PCDHA2: variants seen among roughly 807,000 people sequenced by gnomAD.
PCDHA2 encodes the protein protocadherin alpha 2, also known as protocadherin alpha-2.
Under a neutral mutation model 66.0 loss-of-function variants are expected in PCDHA2, and 58 were observed. That is an observed-to-expected ratio of 0.88 (90% CI 0.71 to 1.09). The LOEUF is 1.09. Ranked by LOEUF, PCDHA2 falls within the 50% of genes least tolerant of loss-of-function variation. PCDHA2 has a pLI of 0.00. For synonymous variants in PCDHA2, 634 were observed against 554.0 expected, an observed-to-expected ratio of 1.14 and a Z score of -2.03; for missense variants, 1,267 against 1,242.3, an observed-to-expected ratio of 1.02 and a Z score of -0.30.
intron 1 of PCDHA2, chr5:140,967,982 G>T (rs1563372383): frequency 1.9e-6 from 3 of 1,614,224 alleles, no homozygotes; most frequent in Non-Finnish European, 2.5e-6. Context: ...GGGTCTGGAG[G>T]CCACACTGCC....
intron 1 of PCDHA2, chr5:140,807,153 G>T: frequency 1.3e-6 from 2 of 1,581,412 alleles, no homozygotes; most frequent in Non-Finnish European, 1.7e-6. Flanking sequence ...TTTGAGAAAC[G>T]ATATTTAATC....
chr5:140,850,168 A>C, intron 1 of PCDHA2: 1 of 1,594,824 alleles, frequency 6.3e-7, no homozygotes, highest in Non-Finnish European at 8.6e-7. Flanking sequence ...GTGCTGGACG[A>C]GAACGACAAT....
At chr5:140,871,310 C>A (rs2052956862) in intron 1 of PCDHA2, 1 of 1,613,930 alleles carries the variant, frequency 6.2e-7, no homozygotes, top group South Asian at 1.1e-5. Flanking sequence ...CCGGGGAAGC[C>A]CACGCTGGTG....
chr5:140,871,413 C>A (rs2053063966), intron 1 of PCDHA2: 1 of 1,614,002 alleles, frequency 6.2e-7, no homozygotes, highest in East Asian at 2.2e-5. Flanking sequence ...ACCTCATGGC[C>A]TTCAGCCCCA....
intron 1 of PCDHA2, among the ~76,000 whole-genome samples, chr5:140,818,943 AT>A (rs1554127580): frequency 6.6e-6 from 1 of 152,228 alleles, no homozygotes; most frequent in East Asian, 1.9e-4. Context: ...TGACATGAAC[AT>A]TGATATTCAC....
chr5:140,940,208 A>C (rs1193106137), intron 1 of PCDHA2, among the ~76,000 whole-genome samples: 1 of 152,164 alleles, frequency 6.6e-6, no homozygotes, highest in Non-Finnish European at 1.5e-5. Context: ...AAAATTCAAG[A>C]TTGGCATTTA....
chr5:140,863,699 T>C, intron 1 of PCDHA2: 1 of 299,368 alleles, frequency 3.3e-6, no homozygotes, highest in Non-Finnish European at 6.5e-6. Context: ...GATGCTTTAT[T>C]TAAAGTACAC....
chr5:140,856,752 A>G lies in PCDHA2; in HGVS notation c.2388+59400A>G, dbSNP rs201595428. The G allele has an allele frequency of 2.2e-5, 35 of 1,596,730 alleles. 5 individuals carry two copies. Among genetic ancestry groups the G allele is most frequent in the Non-Finnish European group, 3.4e-6 (4 of 1,166,694 alleles). On this transcript the variant is annotated intron_variant, in intron 1 of 3. Transcript: ENST00000526136. ...CTGCTGATCCTGGTGTTAGATGCCA[A>G]TGATAACGCCCCTATCTTTGACAGA...
At position 140,869,428 on chromosome 5, in the gene PCDHA2, A is replaced by G. The variant is rs781860422; in HGVS notation, c.2388+72076A>G. The G allele has an allele frequency of 9.3e-6, 15 of 1,614,214 alleles. No individual in the cohort carries two copies. In the South Asian group the frequency reaches 1.6e-4, roughly 18 times the overall value. On this transcript the variant is annotated intron_variant, in intron 1 of 3. Transcript: ENST00000526136. The stretch of plus-strand genomic sequence containing the variant: ...GGAGTGCAGCATCCACCTGGAGGTG[A>G]TCGTGGACAGGCCGCTGCAGGTTTT...
At chr5:140,823,955 C>A (rs2150130710) in intron 1 of PCDHA2, 1 of 1,614,042 alleles carries the variant, frequency 6.2e-7, no homozygotes, top group Non-Finnish European at 8.5e-7. Flanking sequence ...GCGCAGCCCA[C>A]CGAGGCCGTG....
intron 1 of PCDHA2, chr5:140,861,595 T>G (rs1195852387): frequency 1.9e-5 from 7 of 367,584 alleles, no homozygotes; most frequent in Admixed American, 8.8e-5. Context: ...GAGGTGAAAG[T>G]GAAGAACAAT....
chr5:140,810,450 T>C (rs924328427), intron 1 of PCDHA2: 1 of 152,254 alleles, frequency 6.6e-6, no homozygotes, highest in African/African-American at 2.4e-5. Context: ...ACATTCCTAG[T>C]AGTGCATAAG....
intron 1 of PCDHA2, among the ~76,000 whole-genome samples, chr5:140,900,452 T>A (rs2068062293): frequency 6.6e-6 from 1 of 152,222 alleles, no homozygotes; most frequent in South Asian, 2.1e-4. Flanking sequence ...TAATTTTTTA[T>A]TTTTAGTAGA....
intron 1 of PCDHA2, chr5:140,855,847 C>A: frequency 3.1e-6 from 2 of 652,288 alleles, no homozygotes; most frequent in Non-Finnish European, 2.6e-6. Context: ...CACCTAAAGC[C>A]ACCGGATGTC....
At chr5:140,907,416 T>C (rs1209334366) in intron 1 of PCDHA2, among the ~76,000 whole-genome samples, 1 of 152,206 alleles carries the variant, frequency 6.6e-6, no homozygotes, top group East Asian at 1.9e-4. Flanking sequence ...ACCACGATGG[T>C]GGATAAGGCA....
In PCDHA2 at chr5:140,829,870, G is replaced by T. The variant is rs2150176653; in HGVS notation, c.2388+32518G>T. 13 of 1,613,946 alleles carry T rather than the reference G, an allele frequency of 8.1e-6. No individual in the cohort carries two copies. The South Asian group carries it at 1.4e-4, about 18-fold the overall frequency. ...TGGGTGCAGGCCAAGTGGTGGCGAA[G>T]GTGCGCGCAGTTGACGCCGACTCAG... On this transcript the variant is annotated intron_variant, in intron 1 of 3. Transcript: ENST00000526136.
Position 140,836,245 on chromosome 5 carries a change from C to G in PCDHA2, c.2388+38893C>G, listed in dbSNP as rs199869403. ...CCGGTGGCGGCCGGTGCGAGCATCCCGTTCCGCGTGGGGCTGTACACTGGT... is the reference window on the plus strand; with the variant it reads ...CCGGTGGCGGCCGGTGCGAGCATCCGGTTCCGCGTGGGGCTGTACACTGGT... On this transcript the variant is annotated intron_variant, in intron 1 of 3. Coordinates refer to ENST00000526136, the MANE Select transcript of PCDHA2 (RefSeq NM_018905.3). 11 of 1,613,768 alleles carry G rather than the reference C, an allele frequency of 6.8e-6. No individual in the cohort carries two copies. The Admixed American group carries it at 1.0e-4, about 15-fold the overall frequency.
chr5:140,946,353 A>C (rs2093933429), intron 1 of PCDHA2, among the ~76,000 whole-genome samples: 1 of 151,910 alleles, frequency 6.6e-6, no homozygotes, highest in Admixed American at 6.6e-5. Context: ...GAGGATGTGG[A>C]GAAAAGGGAA....
At chr5:140,856,624 G>T in intron 1 of PCDHA2, 1 of 1,597,992 alleles carries the variant, frequency 6.3e-7, no homozygotes, top group Non-Finnish European at 8.6e-7. Context: ...AATTCCCAGT[G>T]CTTGTTCTGC....
Sources: gnomAD v4.1 joint callset for allele counts (sites outside exome capture counted in the v4.1 genomes callset) on GRCh38, gnomAD v4.1.1 for gene constraint, MANE v1.5 for transcripts, NCBI Gene and HGNC (gene_info 2026-07-23, HGNC 2026-07-21) for gene names.